The following DOCK3 variants were observed in gnomAD, a reference collection of about 807,000 sequenced individuals.
DOCK3 encodes dedicator of cytokinesis 3.
Under a neutral mutation model 265.6 loss-of-function variants are expected in DOCK3, and 60 were observed. The ratio of observed to expected loss-of-function variants is 0.23; its 90% CI spans 0.18 to 0.28. The LOEUF is 0.28. Among genes scored for constraint, DOCK3 ranks in the 10% least tolerant of loss-of-function variants. The pLI is 1.00. For synonymous variants in DOCK3, 881 were observed against 938.0 expected, an observed-to-expected ratio of 0.94 and a Z score of 1.11; for missense variants, 1,981 against 2,594.3, an observed-to-expected ratio of 0.76 and a Z score of 5.14.
chr3:51,305,834 CTTTTTTT>C (rs761039681), intron 27 of DOCK3, among the ~76,000 whole-genome samples: 19 of 50,576 alleles, frequency 3.8e-4, no homozygotes, highest in African/African-American at 1.5e-3. Flanking sequence ...ATTTCTTCTT[CTTTTTTT>C]TTTTTTTTTT....
intron 48 of DOCK3, 68 bp from the exon 49 acceptor site, chr3:51,362,459 A>C: frequency 1.2e-6 from 2 of 1,603,772 alleles, no homozygotes; most frequent in Non-Finnish European, 1.7e-6. Flanking sequence ...TGAAAAAGCA[A>C]ACTCTGTGCC....
intron 19 of DOCK3, among the ~76,000 whole-genome samples, chr3:51,231,149 G>C (rs142742511): frequency 1.3e-4 from 7 of 52,906 alleles, no homozygotes; most frequent in Non-Finnish European, 1.7e-4. Context: ...TTTTTTTTGA[G>C]ACGGAGTCTT....
intron 3 of DOCK3, among the ~76,000 whole-genome samples, chr3:50,847,062 T>G (rs1184804789): frequency 6.6e-6 from 1 of 152,152 alleles, no homozygotes. Flanking sequence ...TCTAGTTCCT[T>G]CAGGTGTAAT....
chr3:51,225,806 G>A (rs761270462), intron 15 of DOCK3, 33 bp downstream of exon 15: 1 of 1,595,022 alleles, frequency 6.3e-7, no homozygotes, highest in Non-Finnish European at 8.5e-7. Flanking sequence ...TTGGGTTGGA[G>A]GATAATCCTA....
intron 7 of DOCK3, among the ~76,000 whole-genome samples, chr3:51,083,015 C>T (rs2082296929): frequency 1.3e-5 from 2 of 152,172 alleles, no homozygotes; most frequent in South Asian, 4.1e-4. Flanking sequence ...ATCACTAGCA[C>T]CCAAGCATGC....
At chr3:51,299,381 A>G (rs930986645) in intron 27 of DOCK3, among the ~76,000 whole-genome samples, 2 of 151,846 alleles carry the variant, frequency 1.3e-5, no homozygotes, top group African/African-American at 4.8e-5. Context: ...GTTTACTCTG[A>G]TGTTAGTTTC....
chr3:51,155,794 A>G (rs2085817744), intron 10 of DOCK3, among the ~76,000 whole-genome samples: 1 of 152,206 alleles, frequency 6.6e-6, no homozygotes, highest in African/African-American at 2.4e-5. Context: ...CTTTCATGCT[A>G]AACAATGGCT....
chr3:51,146,023 C>T (rs2085284110), intron 9 of DOCK3, among the ~76,000 whole-genome samples: 1 of 152,218 alleles, frequency 6.6e-6, no homozygotes. Context: ...TGCTTGTCCA[C>T]CTGCTGCTCA....
intron 23 of DOCK3, among the ~76,000 whole-genome samples, chr3:51,261,608 G>T (rs1488029497): frequency 6.6e-6 from 1 of 152,132 alleles, no homozygotes; most frequent in Non-Finnish European, 1.5e-5. Context: ...GGAGACAAGC[G>T]GTCTAGTTCA....
chr3:51,315,185 C>T lies in DOCK3; in HGVS notation c.3402+57C>T, dbSNP rs2083298105. ...CTGGAATGGATCCCTTCTGCTTAGG[C>T]AGGTGGCCTAGATGACCAAGCCATG... On this transcript the variant is annotated intron_variant, in intron 32 of 52. Transcript: ENST00000266037. 6 of 1,486,914 alleles carry T rather than the reference C, an allele frequency of 4.0e-6. No homozygotes were observed. The South Asian group carries it at 7.0e-5, about 17-fold the overall frequency. The allele number at this position is 1,486,914 out of a possible 1,614,324, so 92.1% of individuals were successfully genotyped here. A position where few individuals can be genotyped will look rare whatever the true frequency, so the allele number is the denominator to read the frequency against.
chr3:50,841,761 A>G, intron 3 of DOCK3, 46 bp downstream of exon 3: 1 of 168,876 alleles, frequency 5.9e-6, no homozygotes, highest in African/African-American at 5.3e-5. Flanking sequence ...GGAAGGAACT[A>G]CCTTGTATGT....
chr3:50,892,975 T>C (rs376796566), intron 4 of DOCK3, among the ~76,000 whole-genome samples: 238 of 152,222 alleles, frequency 1.6e-3, no homozygotes, highest in African/African-American at 5.3e-3. Context: ...GGCAGCTTAC[T>C]GTGGCCATCA....
Position 51,070,309 on chromosome 3 carries a change from T to C in DOCK3, c.465-5047T>C, listed in dbSNP as rs115598170. Reference sequence around the variant, plus strand: ...ACTAAATTGATTTTACAACTACTTGTAGCCATTATTACTTATTATAACTTT... The same window carrying C: ...ACTAAATTGATTTTACAACTACTTGCAGCCATTATTACTTATTATAACTTT... On this transcript the variant is annotated intron_variant, in intron 6 of 52. Coordinates refer to ENST00000266037, the MANE Select transcript of DOCK3 (RefSeq NM_004947.5). Among the ~76,000 whole-genome samples the C allele has an allele frequency of 4.2e-3, 646 of 152,372 alleles. 1 individual carries two copies. The highest frequency in any genetic ancestry group is 6.8e-3 in the Middle Eastern group (2 of 294).
chr3:50,914,095 A>G (rs949112904), intron 4 of DOCK3, among the ~76,000 whole-genome samples: 3 of 134,282 alleles, frequency 2.2e-5, no homozygotes, highest in African/African-American at 7.8e-5. Flanking sequence ...CTTTTTTTTC[A>G]TGGTTAGTAT....
At chr3:51,251,769 T>A (rs950703591) in intron 22 of DOCK3, among the ~76,000 whole-genome samples, 2 of 152,240 alleles carry the variant, frequency 1.3e-5, no homozygotes, top group African/African-American at 4.8e-5. Flanking sequence ...TAGCCGTTTG[T>A]CAGATGGATA....
At chr3:50,719,963 G>C (rs1051671415) in intron 1 of DOCK3, 1 of 457,524 alleles carries the variant, frequency 2.2e-6, no homozygotes, top group Non-Finnish European at 4.0e-6. Flanking sequence ...GGGGTTCTGG[G>C]TAGTGTCGTT....
At chr3:51,010,044 G>T (rs2078878912) in intron 5 of DOCK3, among the ~76,000 whole-genome samples, 1 of 152,120 alleles carries the variant, frequency 6.6e-6, no homozygotes, top group South Asian at 2.1e-4. Context: ...CCAACTCTGT[G>T]GTCAATTTTG....
At chr3:50,805,047 C>T (rs12487821) in intron 2 of DOCK3, among the ~76,000 whole-genome samples, 13,496 of 152,024 alleles carry the variant, frequency 0.089, 1,227 homozygotes, top group East Asian at 0.33. Context: ...ACTGGATAAT[C>T]GTTTTTCTTT....
In DOCK3 at chr3:51,315,057, C is replaced by T. The variant is rs774398189; in HGVS notation, c.3331C>T (p.Arg1111Trp). The T allele has an allele frequency of 1.3e-5, 21 of 1,612,400 alleles. No homozygotes were observed. The highest frequency in any genetic ancestry group is 4.5e-5 in the East Asian group (2 of 44,792). Reference sequence around the variant, plus strand: ...GACACTGGTCCCACAGCCAGAAGTACGGAATATCATGATTCCCATCTTTCA... The same window carrying T: ...GACACTGGTCCCACAGCCAGAAGTATGGAATATCATGATTCCCATCTTTCA... Reference protein sequence around the residue: ...GVTLVPQPEVRNIMIPIFHDM... With the variant: ...GVTLVPQPEVWNIMIPIFHDM... Residue 1111 changes from arginine to tryptophan, a missense_variant, in exon 32 of 53, where the codon CGG becomes TGG. Around this residue, in one of 4 missense-constraint regions of DOCK3, gnomAD observed 1,357 missense variants for 1,866.8 expected, o/e 0.73. Transcript: ENST00000266037.
Sources: gnomAD v4.1 joint callset for allele counts (sites outside exome capture counted in the v4.1 genomes callset) on GRCh38, gnomAD v4.1.1 for gene constraint, gnomAD v4.1.1 regional missense constraint, MANE v1.5 for transcripts, NCBI Gene and HGNC (gene_info 2026-07-23, HGNC 2026-07-21) for gene names.